Variants in CERS6 observed in about 807,000 individuals in gnomAD.
CERS6 encodes LAG1 homolog, ceramide synthase 6.
A neutral mutation model predicts 56.8 loss-of-function variants in CERS6; 26 were observed. The ratio of observed to expected loss-of-function variants is 0.46; its 90% CI spans 0.34 to 0.63. CERS6 has a LOEUF of 0.63. Among genes scored for constraint, CERS6 ranks in the 30% least tolerant of loss-of-function variants. The probability of loss-of-function intolerance (pLI) is 0.01; values close to 1 mark genes in which losing one functional copy is unlikely to be tolerated. For missense variants in CERS6, 415 were observed against 467.5 expected (o/e 0.89, Z 1.04); for synonymous variants, 164 against 173.3 (o/e 0.95, Z 0.42).
At chr2:168,716,489 C>G (rs1167120554) in intron 7 of CERS6, among the ~76,000 whole-genome samples, 6 of 152,062 alleles carry the variant, frequency 3.9e-5, no homozygotes, top group Non-Finnish European at 8.8e-5. Flanking sequence ...ATTCAGAAAT[C>G]TCAGTCATGT....
chr2:168,739,029 G>T (rs1683808244), intron 8 of CERS6, among the ~76,000 whole-genome samples: 1 of 147,848 alleles, frequency 6.8e-6, no homozygotes, highest in Non-Finnish European at 1.5e-5. Flanking sequence ...GGGACTACAG[G>T]CACATGCTGC....
At chr2:168,485,428 G>T (rs554842828) in intron 1 of CERS6, among the ~76,000 whole-genome samples, 1 of 152,164 alleles carries the variant, frequency 6.6e-6, no homozygotes, top group East Asian at 1.9e-4. Flanking sequence ...GTATAGTGAG[G>T]TATATCCATC....
At chr2:168,563,615 G>T (rs1474875166) in intron 3 of CERS6, among the ~76,000 whole-genome samples, 1 of 152,106 alleles carries the variant, frequency 6.6e-6, no homozygotes, top group East Asian at 1.9e-4. Flanking sequence ...GGCTAAAATG[G>T]TGAAACCCCG....
intron 2 of CERS6, among the ~76,000 whole-genome samples, chr2:168,550,391 T>C (rs1695544884): frequency 6.6e-6 from 1 of 152,192 alleles, no homozygotes; most frequent in South Asian, 2.1e-4. Flanking sequence ...TTGCCCAGGC[T>C]GGTCTTGAAC....
At chr2:168,744,812 T>A (rs991050139) in intron 8 of CERS6, among the ~76,000 whole-genome samples, 3 of 152,224 alleles carry the variant, frequency 2.0e-5, no homozygotes, top group Non-Finnish European at 2.9e-5. Flanking sequence ...AGAGATTTTT[T>A]AAAAATGAGT....
intron 1 of CERS6, among the ~76,000 whole-genome samples, chr2:168,463,255 G>GTA (rs774467786): frequency 3.9e-5 from 6 of 152,080 alleles, no homozygotes; most frequent in Middle Eastern, 3.2e-3. Flanking sequence ...CAATCATACT[G>GTA]TATATATATG....
In CERS6 at chr2:168,591,145, T is replaced by C. The variant is rs1487153050; in HGVS notation, c.407+29823T>C. ...GGGCTGTAAACACCTCTGTGTATAT[T>C]TTCCCCCTGTATTCTGGACTATCCT... On this transcript the variant is annotated intron_variant, in intron 3 of 9. Transcript: ENST00000305747. Among the ~76,000 whole-genome samples the C allele has an allele frequency of 4.1e-4, 62 of 152,256 alleles. 1 individual carries two copies. The highest frequency in any genetic ancestry group is 4.0e-3 in the Admixed American group (61 of 15,288).
At chr2:168,683,524 GCTT>G (rs1686269119) in intron 4 of CERS6, among the ~76,000 whole-genome samples, 1 of 152,034 alleles carries the variant, frequency 6.6e-6, no homozygotes, top group African/African-American at 2.4e-5. Flanking sequence ...CTAATTTTGT[GCTT>G]CTTAATAGCC....
intron 8 of CERS6, among the ~76,000 whole-genome samples, chr2:168,731,275 C>G (rs1308435495): frequency 2.0e-5 from 3 of 152,272 alleles, no homozygotes; most frequent in Non-Finnish European, 4.4e-5. Context: ...CCTGCTAATT[C>G]TGTCGTGCTC....
rs373487153 is a variant in CERS6 at position 168,657,801 on chromosome 2, G to A, written c.465+26759G>A. On this transcript the variant is annotated intron_variant, in intron 4 of 9. Coordinates refer to ENST00000305747, the MANE Select transcript of CERS6 (RefSeq NM_203463.3). ...GCCCGCAAGCGCCGCACGCAGCCCC[G>A]GTTCCCGCTCGTGCCTCTCCCTCCA... Among the ~76,000 whole-genome samples, 787 of 152,328 alleles carry A rather than the reference G, an allele frequency of 5.2e-3. 6 individuals are homozygous for A. The highest frequency in any genetic ancestry group is 0.017 in the African/African-American group (721 of 41,574).
chr2:168,735,462 G>A (rs1159743753), intron 8 of CERS6, among the ~76,000 whole-genome samples: 1 of 152,146 alleles, frequency 6.6e-6, no homozygotes, highest in East Asian at 1.9e-4. Flanking sequence ...CTTCTGTTTA[G>A]ATTGTGGAAA....
intron 4 of CERS6, among the ~76,000 whole-genome samples, chr2:168,681,333 T>A (rs542293875): frequency 6.1e-4 from 93 of 152,356 alleles, no homozygotes; most frequent in African/African-American, 2.0e-3. Context: ...AGTTGAAATA[T>A]CACTGTCAAC....
intron 3 of CERS6, among the ~76,000 whole-genome samples, chr2:168,604,259 G>T (rs1280159009): frequency 1.3e-5 from 2 of 152,178 alleles, no homozygotes; most frequent in Non-Finnish European, 2.9e-5. Context: ...CTACTTGAAA[G>T]GTTATGCTTT....
At chr2:168,564,846 C>T (rs1695856070) in intron 3 of CERS6, among the ~76,000 whole-genome samples, 1 of 152,224 alleles carries the variant, frequency 6.6e-6, no homozygotes, top group African/African-American at 2.4e-5. Flanking sequence ...GGTTACTTAA[C>T]TTGCCTATCT....
At chr2:168,732,175 G>C (rs1448045503) in intron 8 of CERS6, among the ~76,000 whole-genome samples, 1 of 152,068 alleles carries the variant, frequency 6.6e-6, no homozygotes, top group Non-Finnish European at 1.5e-5. Context: ...AAAAATTTAA[G>C]TAGATGTTAA....
chr2:168,475,587 A>G (rs1413163421), intron 1 of CERS6, among the ~76,000 whole-genome samples: 2 of 152,208 alleles, frequency 1.3e-5, no homozygotes, highest in African/African-American at 4.8e-5. Flanking sequence ...GCTAGCAGTA[A>G]TAGTTTAGTG....
At chr2:168,627,643 T>A (rs1013407905) in intron 3 of CERS6, among the ~76,000 whole-genome samples, 1 of 152,084 alleles carries the variant, frequency 6.6e-6, no homozygotes, top group Non-Finnish European at 1.5e-5. Flanking sequence ...TTTTTTTTTT[T>A]TTATTGTAAA....
At chr2:168,499,059 A>G (rs1332267894) in intron 1 of CERS6, among the ~76,000 whole-genome samples, 1 of 152,174 alleles carries the variant, frequency 6.6e-6, no homozygotes, top group Non-Finnish European at 1.5e-5. Context: ...GAGATTTGTC[A>G]GAGGCAACAG....
intron 4 of CERS6, among the ~76,000 whole-genome samples, chr2:168,651,074 CAA>C (rs1685330019): frequency 6.6e-6 from 1 of 152,064 alleles, no homozygotes; most frequent in Non-Finnish European, 1.5e-5. Flanking sequence ...TTTCTTGAGG[CAA>C]ACAGTAAATC....
Sources: allele counts gnomAD v4.1 joint callset (sites outside exome capture counted in the v4.1 genomes callset), GRCh38; gene constraint gnomAD v4.1.1; transcripts MANE v1.5; gene names NCBI Gene and HGNC (gene_info 2026-07-23, HGNC 2026-07-21).